The following ATP1A1 variants were observed in gnomAD, a reference collection of about 807,000 sequenced individuals.
The protein encoded by ATP1A1 is sodium/potassium-transporting ATPase subunit alpha-1.
In ATP1A1, 14 loss-of-function variants were observed where a neutral mutation model predicts 114.8. The ratio of observed to expected loss-of-function variants is 0.12; its 90% CI spans 0.08 to 0.19. The LOEUF is 0.19. ATP1A1 is among the 10% of genes least tolerant of loss of function. ATP1A1 has a pLI of 1.00. For missense variants in ATP1A1, 524 were observed against 1,290.7 expected (o/e 0.41, Z 9.10); for synonymous variants, 471 against 466.3 (o/e 1.01, Z -0.13).
Position 116,397,859 on chromosome 1 carries a change from C to CTT in ATP1A1, c.1974-15_1974-14dup, listed in dbSNP as rs77990511. The CTT allele has an allele frequency of 7.7e-4, 1,128 of 1,462,490 alleles. No individual in the cohort carries two copies. The highest frequency in any genetic ancestry group is 2.1e-3 in the South Asian group (169 of 78,742). The allele number at this position is 1,462,490 out of a possible 1,614,324, so 90.6% of individuals were successfully genotyped here. On this transcript the variant is annotated intron_variant, in intron 14 of 22. Coordinates refer to ENST00000295598, the MANE Select transcript of ATP1A1 (RefSeq NM_000701.8). This position sits in a 1 kb window ranked among gnomAD's most constrained non-coding sequence, Gnocchi z 4.2. ...CACATGCTGGTGATGTGATGCGTGA[C>CTT]TTTTTTTTTTTTTTTGTCCTAATTC...
chr1:116,389,933 C>T lies in ATP1A1; in HGVS notation c.1023+226C>T, dbSNP rs966299382. Reference sequence around the variant, plus strand: ...CATACATTTTGCTTTTAAATTATCACGTGGTCCTGAACAGTGCAGTGGAGA... The same window carrying T: ...CATACATTTTGCTTTTAAATTATCATGTGGTCCTGAACAGTGCAGTGGAGA... On this transcript the variant is annotated intron_variant, in intron 8 of 22. Transcript: ENST00000295598. This position sits in a 1 kb window ranked among gnomAD's most constrained non-coding sequence, Gnocchi z 6.9. 20 of 763,682 alleles carry T rather than the reference C, an allele frequency of 2.6e-5. 1 individual carries two copies. Among genetic ancestry groups the T allele is most frequent in the Admixed American group, 8.7e-5 (3 of 34,374 alleles). 47.3% of individuals were successfully genotyped at this position (763,682 alleles called of 1,614,324 possible). A position where few individuals can be genotyped will look rare whatever the true frequency, so the allele number is the denominator to read the frequency against.
chr1:116,382,921 T>G (rs1557781273), intron 1 of ATP1A1, among the ~76,000 whole-genome samples: 1 of 152,194 alleles, frequency 6.6e-6, no homozygotes, highest in South Asian at 2.1e-4. Context: ...TGTCTACTTT[T>G]TGGCCTTAAG....
chr1:116,391,023 A>T, intron 10 of ATP1A1, 132 bp downstream of exon 10: 1 of 711,754 alleles, frequency 1.4e-6, no homozygotes, highest in South Asian at 1.8e-5. Flanking sequence ...TGGTCTGTGC[A>T]GTACTTTGCT....
chr1:116,389,890 C>CTAA lies in ATP1A1; in HGVS notation c.1023+183_1023+184insTAA, dbSNP rs1652328176. On this transcript the variant is annotated intron_variant, in intron 8 of 22. Transcript: ENST00000295598. The surrounding 1 kb of genome is among the most constrained non-coding windows in gnomAD (Gnocchi z 6.9). ...GAGAAAACCTCAGCATTTGTTTATA[C>CTAA]GTAAGATAACCCCAAAGCATACATT... 2.2e-6 allele frequency: 2 copies of CTAA among 925,910 alleles called. No individual in the cohort carries two copies. The highest frequency in any genetic ancestry group is 3.2e-6 in the Non-Finnish European group (2 of 631,878). 57.4% of individuals were successfully genotyped at this position (925,910 alleles called of 1,614,324 possible).
chr1:116,390,536 GTTTTT>G, intron 9 of ATP1A1, 125 bp downstream of exon 9: 2 of 693,390 alleles, frequency 2.9e-6, no homozygotes, highest in East Asian at 3.3e-5. Context: ...TTTCTTTTTT[GTTTTT>G]TTTTTTTTTA....
At position 116,404,150 on chromosome 1, in the gene ATP1A1, C is replaced by T. The variant is rs928404432; in HGVS notation, c.3043+175C>T. Among the ~76,000 whole-genome samples, 1 of 151,528 alleles carries T rather than the reference C, an allele frequency of 6.6e-6. No individual in the cohort carries two copies. The highest frequency in any genetic ancestry group is 1.5e-5 in the Non-Finnish European group (1 of 67,824). Reference sequence around the variant, plus strand: ...ATCTTCAGAATGTAGATCTCAGTTACAGTTTGAGGACTGGTCATGTTTTAG... The same window carrying T: ...ATCTTCAGAATGTAGATCTCAGTTATAGTTTGAGGACTGGTCATGTTTTAG... On this transcript the variant is annotated intron_variant, in intron 22 of 22. Transcript: ENST00000295598. The surrounding 1 kb of genome is among the most constrained non-coding windows in gnomAD (Gnocchi z 4.8).
rs187188585 is a variant in ATP1A1 at position 116,388,916 on chromosome 1, G to A, written c.651G>A (p.Ser217=). ...CTCACATATAGGTGGATAACTCCTC[G>A]CTCACTGGTGAATCAGAACCCCAGA... ...SANGCKVDNS[S]LTGESEPQTR... Residue 217 remains serine, a synonymous_variant, in exon 7 of 23, where the codon TCG becomes TCA. Transcript: ENST00000295598. The surrounding 1 kb of genome is among the most constrained non-coding windows in gnomAD (Gnocchi z 5.6). 95 of 1,614,028 alleles carry A rather than the reference G, an allele frequency of 5.9e-5. No homozygotes were observed. In the Middle Eastern group the frequency reaches 6.6e-4, roughly 11 times the overall value.
At position 116,379,099 on chromosome 1, in the gene ATP1A1, G is replaced by A. The variant is rs1651568573; in HGVS notation, c.13-4915G>A. Among the ~76,000 whole-genome samples, 2 of 152,158 alleles carry A rather than the reference G, an allele frequency of 1.3e-5. 1 individual carries two copies. The highest frequency in any genetic ancestry group is 4.8e-5 in the African/African-American group (2 of 41,424). ...TCATGGATGTACACTACTGCAGGTAGGGTAGGCTGTCAGGCTCATTAAGAA... is the reference window on the plus strand; with the variant it reads ...TCATGGATGTACACTACTGCAGGTAAGGTAGGCTGTCAGGCTCATTAAGAA... On this transcript the variant is annotated intron_variant, in intron 1 of 22. Transcript: ENST00000295598.
chr1:116,382,047 C>T (rs1211183374), intron 1 of ATP1A1, among the ~76,000 whole-genome samples: 4 of 152,080 alleles, frequency 2.6e-5, no homozygotes, highest in Admixed American at 6.5e-5. Flanking sequence ...TGGTGGCGAG[C>T]GCCTATAATC....
At chr1:116,390,147 T>C (rs2101046354) in intron 8 of ATP1A1, 66 bp from the exon 9 acceptor site, 5 of 1,485,886 alleles carry the variant, frequency 3.4e-6, no homozygotes, top group Non-Finnish European at 4.7e-6. Flanking sequence ...CATTAGGATA[T>C]AGCAAGAATC....
At position 116,387,559 on chromosome 1, in the gene ATP1A1, ACTT is replaced by A; in HGVS notation, c.387+74_387+76del. 7 of 1,527,164 alleles carry A rather than the reference ACTT, an allele frequency of 4.6e-6. No individual in the cohort carries two copies. The highest frequency in any genetic ancestry group is 6.3e-6 in the Non-Finnish European group (7 of 1,111,316). 94.6% of individuals were successfully genotyped at this position (1,527,164 alleles called of 1,614,324 possible). A position where few individuals can be genotyped will look rare whatever the true frequency, so the allele number is the denominator to read the frequency against. On this transcript the variant is annotated intron_variant, in intron 4 of 22. Transcript: ENST00000295598. This position sits in a 1 kb window ranked among gnomAD's most constrained non-coding sequence, Gnocchi z 6.7. ...GATATCTTCTCCGTCTTTGTCTCCC[ACTT>A]CTTCTCAATTACCACTCATTACTTA... is the stretch of plus-strand genomic sequence containing the variant.
chr1:116,380,253 C>T (rs1284910288), intron 1 of ATP1A1, among the ~76,000 whole-genome samples: 1 of 152,222 alleles, frequency 6.6e-6, no homozygotes, highest in Non-Finnish European at 1.5e-5. Context: ...AGACTCAACA[C>T]CATTAGCAGA....
In ATP1A1 at chr1:116,401,666, C is replaced by A; in HGVS notation, c.2951+11C>A. On this transcript the variant is annotated intron_variant, in intron 21 of 22. Transcript: ENST00000295598. This position sits in a 1 kb window ranked among gnomAD's most constrained non-coding sequence, Gnocchi z 4.7. ...GATGTATCCCCTCAAGTAAGTTGAT[C>A]CTCTGGTAGCTCCAAAAAGTATGAA... 1.2e-6 allele frequency: 2 copies of A among 1,608,550 alleles called. No individual in the cohort carries two copies. The highest frequency in any genetic ancestry group is 2.2e-5 in the South Asian group (2 of 90,670).
intron 1 of ATP1A1, chr1:116,374,167 T>C (rs1258618266): frequency 6.5e-7 from 1 of 1,549,718 alleles, no homozygotes; most frequent in Non-Finnish European, 8.7e-7. Context: ...AACTGGCTGC[T>C]TCTAAGTGCG....
chr1:116,378,417 G>A (rs753469903), intron 1 of ATP1A1, among the ~76,000 whole-genome samples: 32 of 152,186 alleles, frequency 2.1e-4, no homozygotes, highest in Non-Finnish European at 4.0e-4. Flanking sequence ...TCAGTGATTT[G>A]ATAAGTTGAT....
chr1:116,402,149 G>A (rs1194959462), intron 21 of ATP1A1: 3 of 154,646 alleles, frequency 1.9e-5, no homozygotes, highest in Non-Finnish European at 4.3e-5. Flanking sequence ...AATCAGTCAT[G>A]GGTAGAGTTG....
rs984672420 is a variant in ATP1A1 at position 116,396,821 on chromosome 1, G to C, written c.1973+87G>C. On this transcript the variant is annotated intron_variant, in intron 14 of 22. Coordinates refer to ENST00000295598, the MANE Select transcript of ATP1A1 (RefSeq NM_000701.8). ...CTTCAGCGTGGTTCTATAATGGTTT[G>C]CATCTAGGCTTGCTCTGAGTAGGAA... 3.5e-6 allele frequency: 5 copies of C among 1,432,258 alleles called. No homozygotes were observed. The Admixed American group carries it at 1.4e-4, about 40-fold the overall frequency. 88.7% of individuals were successfully genotyped at this position (1,432,258 alleles called of 1,614,324 possible). A position where few individuals can be genotyped will look rare whatever the true frequency, so the allele number is the denominator to read the frequency against.
Position 116,401,418 on chromosome 1 carries a change from G to T in ATP1A1, c.2850-136G>T. 6.8e-7 allele frequency: 1 copy of T among 1,463,276 alleles called. No individual in the cohort carries two copies. The highest frequency in any genetic ancestry group is 9.3e-7 in the Non-Finnish European group (1 of 1,075,054). The allele number at this position is 1,463,276 out of a possible 1,614,324, so 90.6% of individuals were successfully genotyped here. ...AGGAAGCAAGAAATGTAGCTTTCTAGTTTTTTCATCTGACCTCCAAGTTTT... is the reference window on the plus strand; with the variant it reads ...AGGAAGCAAGAAATGTAGCTTTCTATTTTTTTCATCTGACCTCCAAGTTTT... On this transcript the variant is annotated intron_variant, in intron 20 of 22. Coordinates refer to ENST00000295598, the MANE Select transcript of ATP1A1 (RefSeq NM_000701.8). The surrounding 1 kb of genome is among the most constrained non-coding windows in gnomAD (Gnocchi z 4.7).
In ATP1A1 at chr1:116,404,072, G is replaced by A; in HGVS notation, c.3043+97G>A. 1 of 1,214,352 alleles carries A rather than the reference G, an allele frequency of 8.2e-7. No homozygotes were observed. The highest frequency in any genetic ancestry group is 1.2e-6 in the Non-Finnish European group (1 of 846,550). The allele number at this position is 1,214,352 out of a possible 1,614,324, so 75.2% of individuals were successfully genotyped here. A position where few individuals can be genotyped will look rare whatever the true frequency, so the allele number is the denominator to read the frequency against. Reference sequence around the variant, plus strand: ...CCCTCAAGGTGTCTAGGCTCCCTCAGTGGTCAGTCTGATTAGCTAAGGTGA... The same window carrying A: ...CCCTCAAGGTGTCTAGGCTCCCTCAATGGTCAGTCTGATTAGCTAAGGTGA... On this transcript the variant is annotated intron_variant, in intron 22 of 22. Coordinates refer to ENST00000295598, the MANE Select transcript of ATP1A1 (RefSeq NM_000701.8). This position sits in a 1 kb window ranked among gnomAD's most constrained non-coding sequence, Gnocchi z 4.8.
Sources: gnomAD v4.1 joint callset for allele counts (sites outside exome capture counted in the v4.1 genomes callset) on GRCh38, gnomAD v4.1.1 for gene constraint, Gnocchi (gnomAD v3.1) non-coding constraint, MANE v1.5 for transcripts, NCBI Gene and HGNC (gene_info 2026-07-23, HGNC 2026-07-21) for gene names.